The following SLC24A4 variants were observed in gnomAD, a reference collection of about 807,000 sequenced individuals.
SLC24A4 encodes the protein solute carrier family 24 member 4, also known as sodium/potassium/calcium exchanger 4.
A neutral mutation model predicts 79.0 loss-of-function variants in SLC24A4; 53 were observed. The observed-to-expected ratio is 0.67, with a 90% confidence interval of 0.54 to 0.84. The LOEUF is 0.84. SLC24A4 is among the 40% of genes least tolerant of loss of function. The pLI is 0.00. For synonymous variants in SLC24A4, 323 were observed against 323.8 expected (o/e 1.00, Z 0.03); for missense variants, 731 against 822.0 (o/e 0.89, Z 1.35).
At chr14:92,358,550 C>T (rs1483083183) in intron 2 of SLC24A4, among the ~76,000 whole-genome samples, 1 of 142,354 alleles carries the variant, frequency 7.0e-6, no homozygotes, top group African/African-American at 3.0e-5. Context: ...GACACCTCCT[C>T]CTGGGAATCC....
chr14:92,400,691 C>T (rs776814397), intron 2 of SLC24A4, among the ~76,000 whole-genome samples: 4 of 152,126 alleles, frequency 2.6e-5, no homozygotes, highest in Non-Finnish European at 4.4e-5. Context: ...GAGACCATGT[C>T]GTAATTAGCT....
chr14:92,480,484 G>A (rs1228182818), intron 12 of SLC24A4, among the ~76,000 whole-genome samples: 5 of 148,450 alleles, frequency 3.4e-5, no homozygotes, highest in African/African-American at 9.9e-5. Context: ...TAGTAGAGAC[G>A]GGGTTTCACC....
rs777031420 is a variant in SLC24A4, at chr14:92,488,074, C to CTT, written c.1537+1308_1537+1309dup. On this transcript the variant is annotated intron_variant, in intron 14 of 16. Transcript: ENST00000532405. The stretch of plus-strand genomic sequence containing the variant: ...TCTCCTCCTCCTCCTCCTTCTTCCT[C>CTT]TTTTTTTTTTTTTTTGTGATGGAGT... Among the ~76,000 whole-genome samples the CTT allele has an allele frequency of 0.015, 2,061 of 138,758 alleles. 87 individuals are homozygous for CTT. In the East Asian group the frequency reaches 0.15, roughly 10 times the overall value. The allele number at this position is 138,758 out of a possible 152,430, so 91.0% of individuals were successfully genotyped here. A position where few individuals can be genotyped will look rare whatever the true frequency, so the allele number is the denominator to read the frequency against.
Position 92,368,267 on chromosome 14 carries a change from G to GA in SLC24A4, c.241+42295dup, listed in dbSNP as rs149393178. Reference sequence around the variant, plus strand: ...TTTACACAGTCTGAGTCACTATCAGGAAAAAATCATCACAGCTACGTTCCC... The same window carrying GA: ...TTTACACAGTCTGAGTCACTATCAGGAAAAAAATCATCACAGCTACGTTCCC... On this transcript the variant is annotated intron_variant, in intron 2 of 16. Coordinates refer to ENST00000532405, the MANE Select transcript of SLC24A4 (RefSeq NM_153646.4). Among the ~76,000 whole-genome samples the GA allele has an allele frequency of 8.3e-3, 1,258 of 152,190 alleles. 13 individuals carry two copies. Among genetic ancestry groups the GA allele is most frequent in the African/African-American group, 0.029 (1,208 of 41,468 alleles).
rs146135431 is a variant in SLC24A4 at position 92,461,157 on chromosome 14, T to G, written c.1255+4549T>G. On this transcript the variant is annotated intron_variant, in intron 12 of 16. Coordinates refer to ENST00000532405, the MANE Select transcript of SLC24A4 (RefSeq NM_153646.4). ...TTGTGGCGCATAGTCTGGGGAATCT[T>G]GTGAGCCTGCTGAGGCTGCTCCCTG... 4.4e-4 allele frequency among the ~76,000 whole-genome samples: 67 copies of G among 152,322 alleles called. 1 individual carries two copies. Among genetic ancestry groups the G allele is most frequent in the African/African-American group, 1.6e-3 (65 of 41,574 alleles).
chr14:92,417,351 AAG>A (rs147366216), intron 2 of SLC24A4, among the ~76,000 whole-genome samples: 2,341 of 152,298 alleles, frequency 0.015, 69 homozygotes, highest in African/African-American at 0.052. Flanking sequence ...ACATTTAAAA[AAG>A]AAAAATAGCT....
chr14:92,373,192 A>G (rs979384896), intron 2 of SLC24A4, among the ~76,000 whole-genome samples: 739 of 53,572 alleles, frequency 0.014, 8 homozygotes, highest in African/African-American at 0.026. Context: ...ACACACACAC[A>G]CGCACACACA....
At chr14:92,475,896 C>G (rs1382241683) in intron 12 of SLC24A4, among the ~76,000 whole-genome samples, 1 of 152,198 alleles carries the variant, frequency 6.6e-6, no homozygotes, top group African/African-American at 2.4e-5. Flanking sequence ...ACCATCCTCT[C>G]CTGGATCTCA....
intron 2 of SLC24A4, among the ~76,000 whole-genome samples, chr14:92,365,538 G>T (rs1887783529): frequency 2.0e-5 from 3 of 152,236 alleles, no homozygotes; most frequent in Admixed American, 2.0e-4. Context: ...AGCCCCGGGT[G>T]CTGGTCTGTG....
intron 13 of SLC24A4, chr14:92,484,500 T>C (rs915087030): frequency 4.1e-6 from 4 of 985,236 alleles, no homozygotes; most frequent in Non-Finnish European, 4.8e-6. Context: ...GGTACCGGCT[T>C]AGAGCTCTGT....
At chr14:92,464,902 G>A (rs1894018581) in intron 12 of SLC24A4, among the ~76,000 whole-genome samples, 1 of 152,216 alleles carries the variant, frequency 6.6e-6, no homozygotes, top group Non-Finnish European at 1.5e-5. Flanking sequence ...AGCATCCTGG[G>A]GGAGGCGAAG....
intron 2 of SLC24A4, among the ~76,000 whole-genome samples, chr14:92,420,679 G>A (rs1595253253): frequency 6.6e-6 from 1 of 152,160 alleles, no homozygotes; most frequent in East Asian, 1.9e-4. Flanking sequence ...ACAGGCTACT[G>A]GCCATACGGT....
At chr14:92,420,415 G>T (rs1174342496) in intron 2 of SLC24A4, among the ~76,000 whole-genome samples, 1 of 152,106 alleles carries the variant, frequency 6.6e-6, no homozygotes, top group Non-Finnish European at 1.5e-5. Flanking sequence ...GGGGGCAGAG[G>T]TTGCAGTGAG....
chr14:92,403,247 CT>C (rs1890202793), intron 2 of SLC24A4, among the ~76,000 whole-genome samples: 2 of 152,196 alleles, frequency 1.3e-5, no homozygotes, highest in South Asian at 4.2e-4. Context: ...AACAGCCTAC[CT>C]TCTTGGCCAT....
rs145804005 is a variant in SLC24A4, at chr14:92,328,633, C to T, written c.241+2655C>T. Reference sequence around the variant, plus strand: ...ATCTCTGGGCTCACTTATCTTCTAGCACGGGAAGGTGGTTACCACCGGCCC... The same window carrying T: ...ATCTCTGGGCTCACTTATCTTCTAGTACGGGAAGGTGGTTACCACCGGCCC... On this transcript the variant is annotated intron_variant, in intron 2 of 16. Transcript: ENST00000532405. Among the ~76,000 whole-genome samples, 1,091 of 152,352 alleles carry T rather than the reference C, an allele frequency of 7.2e-3. 8 individuals carry two copies. The highest frequency in any genetic ancestry group is 0.014 in the Middle Eastern group (4 of 294).
chr14:92,344,580 G>A (rs1017252552), intron 2 of SLC24A4, among the ~76,000 whole-genome samples: 15 of 152,180 alleles, frequency 9.9e-5, no homozygotes, highest in Non-Finnish European at 1.9e-4. Flanking sequence ...TGAGGAGTGT[G>A]CTTTGGGAAT....
intron 2 of SLC24A4, among the ~76,000 whole-genome samples, chr14:92,337,441 CT>C: frequency 6.6e-6 from 1 of 152,298 alleles, no homozygotes; most frequent in African/African-American, 2.4e-5. Context: ...CATTGAGAAG[CT>C]GTGCTTCCAC....
intron 15 of SLC24A4, 87 bp from the exon 16 acceptor site, chr14:92,492,088 T>G (rs1429959215): frequency 7.5e-6 from 9 of 1,202,588 alleles, no homozygotes; most frequent in Non-Finnish European, 1.1e-5. Context: ...GATGAGGGAA[T>G]GCATTGGGCC....
At chr14:92,376,958 C>G (rs1375370120) in intron 2 of SLC24A4, among the ~76,000 whole-genome samples, 1 of 152,198 alleles carries the variant, frequency 6.6e-6, no homozygotes, top group Admixed American at 6.5e-5. Context: ...GTCAGCAGTG[C>G]TGAGGCTGGG....
Sources: gnomAD v4.1 joint callset for allele counts (sites outside exome capture counted in the v4.1 genomes callset) on GRCh38, gnomAD v4.1.1 for gene constraint, MANE v1.5 for transcripts, NCBI Gene and HGNC (gene_info 2026-07-23, HGNC 2026-07-21) for gene names.